The following CLIP4 variants were observed in gnomAD, a reference collection of about 807,000 sequenced individuals.
CLIP4 encodes CAP-Gly domain-containing linker protein 4.
Under a neutral mutation model 73.1 loss-of-function variants are expected in CLIP4, and 47 were observed. The observed-to-expected ratio is 0.64, with a 90% CI of 0.51 to 0.82. The LOEUF (loss-of-function observed/expected upper bound fraction) is 0.82, where lower values mean the gene tolerates loss of function less well. CLIP4 is among the 40% of genes least tolerant of loss of function. The pLI is 0.00. For synonymous variants in CLIP4, 306 were observed against 295.4 expected, an observed-to-expected ratio of 1.04 and a Z score of -0.37; for missense variants, 874 against 852.9, an observed-to-expected ratio of 1.02 and a Z score of -0.31.
chr2:29,097,863 A>G (rs752401662), exon 1 of CLIP4: 9 of 152,210 alleles, frequency 5.9e-5, no homozygotes, highest in Non-Finnish European at 1.0e-4. Flanking sequence ...CACGCTGAAC[A>G]ATCTGTACTC....
chr2:29,175,871 T>C (rs549455175), intron 15 of CLIP4, among the ~76,000 whole-genome samples: 303 of 152,118 alleles, frequency 2.0e-3, no homozygotes, highest in African/African-American at 6.7e-3. Context: ...ACGCCATTCT[T>C]CTGTCTCAGC....
intron 1 of CLIP4, among the ~76,000 whole-genome samples, chr2:29,101,106 A>G (rs2148430067): frequency 6.6e-6 from 1 of 152,168 alleles, no homozygotes; most frequent in Middle Eastern, 3.4e-3. Flanking sequence ...CATGGCCAAC[A>G]TGGTGAAACC....
At chr2:29,112,664 T>C (rs981804585), upstream of CLIP4, among the ~76,000 whole-genome samples, 10 of 152,362 alleles carry the variant, frequency 6.6e-5, no homozygotes, top group African/African-American at 2.4e-4. Context: ...ATGCTGATGA[T>C]CACACCTGTA....
intron 12 of CLIP4, among the ~76,000 whole-genome samples, chr2:29,161,484 A>G (rs919234086): frequency 6.6e-6 from 1 of 152,084 alleles, no homozygotes; most frequent in African/African-American, 2.4e-5. Context: ...ATTTTACCCT[A>G]TTTGCAAGCT....
At chr2:29,167,652 A>T in intron 14 of CLIP4, 112 bp downstream of exon 14, 1 of 675,622 alleles carries the variant, frequency 1.5e-6, no homozygotes. Context: ...GTATTTGTAT[A>T]GTTTTTGTAA....
intron 1 of CLIP4, among the ~76,000 whole-genome samples, chr2:29,116,076 C>A (rs1395584541): frequency 2.0e-5 from 3 of 152,158 alleles, no homozygotes; most frequent in Non-Finnish European, 4.4e-5. Context: ...ACTCCCCTTG[C>A]GCATTAAATT....
chr2:29,154,959 C>T (rs1238855101), intron 9 of CLIP4, among the ~76,000 whole-genome samples: 1 of 152,158 alleles, frequency 6.6e-6, no homozygotes, highest in African/African-American at 2.4e-5. Flanking sequence ...TAAACAAGAC[C>T]TATTCCAGTG....
Position 29,143,923 on chromosome 2 carries a change from G to A in CLIP4, c.863G>A (p.Arg288His), listed in dbSNP as rs773730812. The A allele has an allele frequency of 3.4e-5, 55 of 1,614,028 alleles. No individual in the cohort carries two copies. Among genetic ancestry groups the A allele is most frequent in the South Asian group, 1.1e-4 (10 of 91,086 alleles). Residue 288 changes from arginine (R) to histidine (H), a missense_variant, in exon 7 of 16, where the codon CGT (arginine) becomes CAT (histidine). Coordinates refer to ENST00000320081, the MANE Select transcript of CLIP4 (RefSeq NM_024692.6). ...LTSLGLKLGD[R>H]VVIAGQKVGT... ...TCACTTGGCCTGAAGTTGGGGGATC[G>A]TGTTGTTATTGCAGGACAGAAGGTA... is the stretch of plus-strand genomic sequence containing the variant.
chr2:29,130,939 G>A (rs1664929566), intron 2 of CLIP4: 1 of 1,283,764 alleles, frequency 7.8e-7, no homozygotes, highest in African/African-American at 1.5e-5. Context: ...AGACTTTGGA[G>A]ACAGACCTGG....
intron 7 of CLIP4, among the ~76,000 whole-genome samples, chr2:29,144,455 CT>C (rs1455606585): frequency 2.0e-5 from 3 of 152,138 alleles, no homozygotes; most frequent in Non-Finnish European, 4.4e-5. Context: ...TCCTCCCAAG[CT>C]TTTGTTTCCA....
chr2:29,157,284 G>A lies in CLIP4; in HGVS notation c.1336G>A (p.Ala446Thr), dbSNP rs147824063. 1.9e-6 allele frequency: 3 copies of A among 1,614,106 alleles called. No individual in the cohort carries two copies. The African/African-American group carries it at 4.0e-5, about 22-fold the overall frequency. Residue 446 changes from alanine (A) to threonine (T), a missense_variant, in exon 11 of 16, where the codon GCA (alanine) becomes ACA (threonine). Coordinates refer to ENST00000320081, the MANE Select transcript of CLIP4 (RefSeq NM_024692.6). ...ACAGAGCTACCCCAAGAAACAGAAT[G>A]CAATCAGCAGTAACAAGAAGACAAT... ...HRQSYPKKQN[A>T]ISSNKKTMSK...
exon 1 of CLIP4, chr2:29,097,853 C>T (rs892804404): frequency 2.0e-5 from 3 of 152,218 alleles, no homozygotes; most frequent in Non-Finnish European, 2.9e-5. Context: ...TCCCAACCAA[C>T]ACGCTGAACA....
intron 1 of CLIP4, among the ~76,000 whole-genome samples, chr2:29,099,033 T>G (rs1421721616): frequency 6.6e-6 from 1 of 152,270 alleles, no homozygotes; most frequent in African/African-American, 2.4e-5. Flanking sequence ...TGTTCAGATC[T>G]TTTGCCCATT....
intron 1 of CLIP4, among the ~76,000 whole-genome samples, chr2:29,098,912 G>A (rs905198717): frequency 5.3e-5 from 8 of 152,186 alleles, no homozygotes; most frequent in African/African-American, 7.2e-5. Context: ...TCTAATAGGC[G>A]TGTAGTGGCA....
At chr2:29,133,480 A>G (rs1475364789) in intron 4 of CLIP4, among the ~76,000 whole-genome samples, 175 bp from the exon 5 acceptor site, 1 of 152,214 alleles carries the variant, frequency 6.6e-6, no homozygotes, top group African/African-American at 2.4e-5. Context: ...CCAAGTGTTT[A>G]TCTGTATCCC....
At chr2:29,134,897 C>T (rs1665238050) in intron 5 of CLIP4, among the ~76,000 whole-genome samples, 2 of 152,096 alleles carry the variant, frequency 1.3e-5, no homozygotes, top group Admixed American at 1.3e-4. Context: ...TATAGGTAAG[C>T]ATTTCTATGC....
At chr2:29,130,346 C>G (rs181634897) in intron 2 of CLIP4, among the ~76,000 whole-genome samples, 1 of 152,220 alleles carries the variant, frequency 6.6e-6, no homozygotes, top group African/African-American at 2.4e-5. Context: ...TGGTAAGAAG[C>G]TTGTCTCACG....
chr2:29,163,494 C>G (rs190775320), intron 12 of CLIP4, among the ~76,000 whole-genome samples: 117 of 152,072 alleles, frequency 7.7e-4, no homozygotes, highest in Non-Finnish European at 1.2e-4. Context: ...ACTATATTAC[C>G]AAGTCAAGAA....
intron 6 of CLIP4, among the ~76,000 whole-genome samples, chr2:29,139,636 T>G (rs1217365159): frequency 6.6e-6 from 1 of 152,206 alleles, no homozygotes; most frequent in African/African-American, 2.4e-5. Context: ...TGGTAGGTTT[T>G]TTATTACTGA....
Sources: gnomAD v4.1 joint callset for allele counts (sites outside exome capture counted in the v4.1 genomes callset) on GRCh38, gnomAD v4.1.1 for gene constraint, MANE v1.5 for transcripts, NCBI Gene and HGNC (gene_info 2026-07-23, HGNC 2026-07-21) for gene names.